SLC8A1: variants seen among roughly 807,000 people sequenced by gnomAD.
SLC8A1 encodes the protein sodium/calcium exchanger 1.
SLC8A1 carries 18 observed loss-of-function variants against 68.3 expected under a neutral mutation model. That is an observed-to-expected ratio of 0.26 (90% CI 0.18 to 0.39). The LOEUF is 0.39. Ranked by LOEUF, SLC8A1 falls within the 10% of genes least tolerant of loss-of-function variation. SLC8A1 has a pLI of 1.00. For synonymous variants in SLC8A1, 475 were observed against 415.5 expected (o/e 1.14, Z -1.74); for missense variants, 985 against 1,156.7 (o/e 0.85, Z 2.15).
chr2:40,408,889 A>T (rs1322686356), intron 2 of SLC8A1, among the ~76,000 whole-genome samples: 6 of 152,128 alleles, frequency 3.9e-5, no homozygotes, highest in Non-Finnish European at 8.8e-5. Flanking sequence ...AATAGAAAAA[A>T]AATATAGCCA....
intron 2 of SLC8A1, among the ~76,000 whole-genome samples, chr2:40,414,009 G>A (rs553150267): frequency 6.6e-6 from 1 of 152,188 alleles, no homozygotes; most frequent in East Asian, 1.9e-4. Context: ...AAATTTGTAA[G>A]AATTATGTAA....
intron 2 of SLC8A1, among the ~76,000 whole-genome samples, chr2:40,362,109 G>T (rs563978463): frequency 3.6e-4 from 55 of 151,348 alleles, no homozygotes; most frequent in Non-Finnish European, 6.5e-4. Context: ...TGGCCAGGCT[G>T]GTCTCGAACT....
intron 2 of SLC8A1, among the ~76,000 whole-genome samples, chr2:40,257,627 G>C (rs571547857): frequency 1.4e-4 from 22 of 152,150 alleles, no homozygotes; most frequent in Non-Finnish European, 2.9e-4. Context: ...GTCTTTACTG[G>C]AGTTAATTAA....
At chr2:40,446,489 C>G (rs1701471879) in intron 1 of SLC8A1, 2 of 152,188 alleles carry the variant, frequency 1.3e-5, no homozygotes, top group African/African-American at 4.8e-5. Flanking sequence ...AAATCCTTTT[C>G]ACTCTTTCTG....
At chr2:40,413,105 G>T (rs547397469) in intron 2 of SLC8A1, among the ~76,000 whole-genome samples, 7 of 152,232 alleles carry the variant, frequency 4.6e-5, no homozygotes, top group African/African-American at 1.7e-4. Flanking sequence ...GGAAACAACA[G>T]GTGCTGGAGA....
chr2:40,105,980 G>A (rs1345581973), exon 8 of SLC8A1: 1 of 152,196 alleles, frequency 6.6e-6, no homozygotes, highest in Non-Finnish European at 1.5e-5. Flanking sequence ...AGGAGAGGCA[G>A]TGGTTGGGCG....
chr2:40,468,508 C>G (rs934882147), intron 1 of SLC8A1, among the ~76,000 whole-genome samples: 1 of 152,046 alleles, frequency 6.6e-6, no homozygotes, highest in Non-Finnish European at 1.5e-5. Context: ...TAGATTATTA[C>G]AATTCTCTAT....
chr2:40,279,826 A>C (rs1364716525), intron 2 of SLC8A1, among the ~76,000 whole-genome samples: 1 of 152,172 alleles, frequency 6.6e-6, no homozygotes, highest in East Asian at 1.9e-4. Flanking sequence ...TGCACAGTTC[A>C]CTAAAAATCT....
chr2:40,326,505 T>C (rs1385930087), intron 2 of SLC8A1, among the ~76,000 whole-genome samples: 1 of 152,110 alleles, frequency 6.6e-6, no homozygotes, highest in Non-Finnish European at 1.5e-5. Flanking sequence ...GTTAAAAACC[T>C]TTCTTCTCTG....
exon 8 of SLC8A1, chr2:40,103,005 C>T (rs2033986197): frequency 6.6e-6 from 1 of 152,100 alleles, no homozygotes; most frequent in Non-Finnish European, 1.5e-5. Context: ...TATTGAGTCT[C>T]ACAAGATCAT....
In SLC8A1 at chr2:40,190,941, G is replaced by A. The variant is rs570661320; in HGVS notation, c.1809-13086C>T. 3.3e-5 allele frequency among the ~76,000 whole-genome samples: 5 copies of A among 152,206 alleles called. No individual in the cohort carries two copies. In the South Asian group the frequency reaches 6.2e-4, roughly 19 times the overall value. ...GGTCAATAACTGTGTGTGTGGGTGT[G>A]TGTGTGTGTTTTCCCCTTAGAAAAT... On this transcript the variant is annotated intron_variant, in intron 2 of 7. Transcript: ENST00000406785.
intron 2 of SLC8A1, among the ~76,000 whole-genome samples, chr2:40,192,094 T>C (rs1165799305): frequency 6.6e-6 from 1 of 152,070 alleles, no homozygotes; most frequent in African/African-American, 2.4e-5. Context: ...AATAAAATAA[T>C]TTATATAAGA....
intron 5 of SLC8A1, among the ~76,000 whole-genome samples, chr2:40,163,060 A>T (rs1447798624): frequency 6.6e-6 from 1 of 152,212 alleles, no homozygotes; most frequent in Non-Finnish European, 1.5e-5. Context: ...AATGGTAACT[A>T]TACTGATGAA....
At chr2:40,334,493 T>C (rs1439656601) in intron 2 of SLC8A1, among the ~76,000 whole-genome samples, 6 of 152,216 alleles carry the variant, frequency 3.9e-5, no homozygotes, top group Non-Finnish European at 7.3e-5. Flanking sequence ...ACAATTTGGA[T>C]AATATATATG....
At chr2:40,134,098 T>TTTTTTTGTG (rs1553348405) in intron 7 of SLC8A1, among the ~76,000 whole-genome samples, 2 of 144,270 alleles carry the variant, frequency 1.4e-5, no homozygotes, top group Admixed American at 6.8e-5. Flanking sequence ...TTTGTTTGTG[T>TTTTTTTGTG]TTTTTTTTTT....
intron 2 of SLC8A1, among the ~76,000 whole-genome samples, chr2:40,310,972 C>T (rs2073562489): frequency 6.6e-6 from 1 of 152,044 alleles, no homozygotes; most frequent in Admixed American, 6.6e-5. Context: ...TGTCTAAATA[C>T]CTGGAGTTCC....
chr2:40,329,060 TCACACACACACACACACACA>T (rs70957170), intron 2 of SLC8A1, among the ~76,000 whole-genome samples: 1 of 141,144 alleles, frequency 7.1e-6, no homozygotes, highest in Non-Finnish European at 1.6e-5. Flanking sequence ...CACTACAACC[TCACACACACACACACACACA>T]CACACACACA....
chr2:40,365,139 G>A (rs1231325907), intron 2 of SLC8A1, among the ~76,000 whole-genome samples: 2 of 151,748 alleles, frequency 1.3e-5, no homozygotes, highest in Non-Finnish European at 2.9e-5. Flanking sequence ...GTATATAAAT[G>A]CTTTACCTTA....
At chr2:40,465,722 G>A (rs1703630649) in intron 1 of SLC8A1, among the ~76,000 whole-genome samples, 1 of 152,246 alleles carries the variant, frequency 6.6e-6, no homozygotes, top group Admixed American at 6.5e-5. Flanking sequence ...AGGTGCGATA[G>A]CGTATTTTTT....
Sources: gnomAD v4.1 joint callset for allele counts (sites outside exome capture counted in the v4.1 genomes callset) on GRCh38, gnomAD v4.1.1 for gene constraint, MANE v1.5 for transcripts, NCBI Gene and HGNC (gene_info 2026-07-23, HGNC 2026-07-21) for gene names.